Variants in PPARD observed in about 807,000 individuals in gnomAD.
The protein encoded by PPARD is peroxisome proliferator-activated receptor delta.
A neutral mutation model predicts 39.5 loss-of-function variants in PPARD; 6 were observed. The ratio of observed to expected loss-of-function variants is 0.15; its 90% confidence interval spans 0.08 to 0.30. The LOEUF (loss-of-function observed/expected upper bound fraction) is 0.30. Among genes scored for constraint, PPARD ranks in the 10% least tolerant of loss-of-function variants. The pLI is 1.00. For missense variants in PPARD, 397 were observed against 596.8 expected (o/e 0.67, Z 3.49); for synonymous variants, 210 against 231.3 (o/e 0.91, Z 0.83).
At chr6:35,356,903 G>A (rs1320528088) in intron 2 of PPARD, among the ~76,000 whole-genome samples, 1 of 152,220 alleles carries the variant, frequency 6.6e-6, no homozygotes, top group East Asian at 1.9e-4. Flanking sequence ...ATCTCACTGG[G>A]CCCTTGAGGG....
chr6:35,366,937 G>A lies in PPARD; in HGVS notation c.-102+19787G>A, dbSNP rs1207725966. ...CTGATTAATATGCATATGGTCTTGC[G>A]TATGGCCAGACTTATGACTTGCGTA... is the stretch of plus-strand genomic sequence containing the variant. On this transcript the variant is annotated intron_variant, in intron 2 of 7. Transcript: ENST00000360694. The surrounding 1 kb of genome is among the most constrained non-coding windows in gnomAD (Gnocchi z 4.6). Among the ~76,000 whole-genome samples, 8 of 152,174 alleles carry A rather than the reference G, an allele frequency of 5.3e-5. No individual in the cohort carries two copies. The highest frequency in any genetic ancestry group is 5.2e-4 in the Admixed American group (8 of 15,278).
chr6:35,413,940 A>G (rs964078604), intron 3 of PPARD, among the ~76,000 whole-genome samples: 19 of 151,908 alleles, frequency 1.3e-4, no homozygotes, highest in African/African-American at 1.7e-4. Flanking sequence ...CGGCCTCCCA[A>G]AGTGTTGGGA....
intron 2 of PPARD, among the ~76,000 whole-genome samples, chr6:35,383,210 G>A (rs1763249162): frequency 1.3e-5 from 2 of 152,208 alleles, no homozygotes; most frequent in South Asian, 2.1e-4. Context: ...GTGTGCCCAA[G>A]GGATGGTGTC....
chr6:35,391,637 G>C (rs1039694914), intron 2 of PPARD, among the ~76,000 whole-genome samples: 4 of 152,204 alleles, frequency 2.6e-5, no homozygotes, highest in Non-Finnish European at 4.4e-5. Context: ...AGCCATTTAG[G>C]AAAAGAGACG....
At chr6:35,398,805 C>A (rs1239017965) in intron 2 of PPARD, among the ~76,000 whole-genome samples, 1 of 152,088 alleles carries the variant, frequency 6.6e-6, no homozygotes, top group East Asian at 1.9e-4. Context: ...ATAAGTGTTA[C>A]CGAAAGTTTC....
At chr6:35,349,350 T>C (rs556640048) in intron 2 of PPARD, among the ~76,000 whole-genome samples, 2 of 152,284 alleles carry the variant, frequency 1.3e-5, no homozygotes, top group Non-Finnish European at 1.5e-5. Flanking sequence ...GATTGGGTAC[T>C]GCTATATCAC....
chr6:35,413,141 C>G (rs1472260781), intron 3 of PPARD, among the ~76,000 whole-genome samples: 1 of 152,180 alleles, frequency 6.6e-6, no homozygotes, highest in African/African-American at 2.4e-5. Flanking sequence ...TTCTTGGGAC[C>G]AGGGCTGTTT....
intron 2 of PPARD, among the ~76,000 whole-genome samples, chr6:35,352,322 C>T (rs1247076592): frequency 6.6e-6 from 1 of 151,890 alleles, no homozygotes; most frequent in Non-Finnish European, 1.5e-5. Flanking sequence ...TAGCTGGGAC[C>T]ACAGGCGCGC....
At chr6:35,417,858 A>G (rs1765878672) in intron 3 of PPARD, among the ~76,000 whole-genome samples, 1 of 152,134 alleles carries the variant, frequency 6.6e-6, no homozygotes, top group Non-Finnish European at 1.5e-5. Flanking sequence ...TACCTCAGCT[A>G]TTTGAGGATA....
At chr6:35,421,581 C>A (rs1766174610) in intron 4 of PPARD, among the ~76,000 whole-genome samples, 1 of 151,984 alleles carries the variant, frequency 6.6e-6, no homozygotes, top group Non-Finnish European at 1.5e-5. Context: ...CTCAGGTGAT[C>A]CGCCCACCTC....
At position 35,424,622 on chromosome 6, in the gene PPARD, C is replaced by G. The variant is rs200068853; in HGVS notation, c.921C>G (p.Asn307Lys). ...IVNKDGLLVA[N>K]GSGFVTREFL... The stretch of plus-strand genomic sequence containing the variant: ...ACAAGGACGGGCTGCTGGTAGCCAA[C>G]GGCAGTGGCTTTGTCACCCGTGAGT... The change falls in exon 7 of 8, where the codon AAC becomes AAG. Residue 307 changes from asparagine to lysine, a missense_variant. Physicochemically the swap from Asn to Lys is moderately conservative, Grantham distance 94. Coordinates refer to ENST00000360694, the MANE Select transcript of PPARD (RefSeq NM_006238.5). This position sits in a 1 kb window ranked among gnomAD's most constrained non-coding sequence, Gnocchi z 7.1. 2 of 1,614,242 alleles carry G rather than the reference C, an allele frequency of 1.2e-6. No homozygotes were observed. The highest frequency in any genetic ancestry group is 1.1e-5 in the South Asian group (1 of 91,088).
At chr6:35,345,864 C>CT (rs1275476592) in intron 1 of PPARD, among the ~76,000 whole-genome samples, 4 of 142,150 alleles carry the variant, frequency 2.8e-5, no homozygotes, top group Admixed American at 7.0e-5. Context: ...GGACCTGTCA[C>CT]TTTTTTTTCG....
intron 2 of PPARD, among the ~76,000 whole-genome samples, chr6:35,399,577 T>A (rs1027920176): frequency 2.0e-5 from 3 of 151,890 alleles, no homozygotes; most frequent in African/African-American, 7.3e-5. Context: ...TAGTTGGGTG[T>A]GGTGGCATGA....
At chr6:35,407,823 G>T (rs1581644760) in intron 2 of PPARD, among the ~76,000 whole-genome samples, 2 of 147,760 alleles carry the variant, frequency 1.4e-5, no homozygotes, top group African/African-American at 2.5e-5. Flanking sequence ...GCTGACTAAT[G>T]CCACTACAGT....
chr6:35,369,172 TC>T (rs1323631522), intron 2 of PPARD, among the ~76,000 whole-genome samples: 1 of 152,202 alleles, frequency 6.6e-6, no homozygotes, highest in Non-Finnish European at 1.5e-5. Flanking sequence ...CCTAGAACTT[TC>T]CTCTCAGAGA....
intron 2 of PPARD, among the ~76,000 whole-genome samples, chr6:35,380,893 C>T (rs939513547): frequency 6.6e-6 from 1 of 152,156 alleles, no homozygotes; most frequent in Non-Finnish European, 1.5e-5. Context: ...TGATGCCCAG[C>T]CTGCAGCACC....
At chr6:35,415,912 G>T (rs1276763960) in intron 3 of PPARD, among the ~76,000 whole-genome samples, 1 of 152,096 alleles carries the variant, frequency 6.6e-6, no homozygotes, top group Non-Finnish European at 1.5e-5. Context: ...TGATGTTGCA[G>T]CTCAAGTCCA....
chr6:35,365,068 C>A (rs932124739), intron 2 of PPARD, among the ~76,000 whole-genome samples: 1 of 151,674 alleles, frequency 6.6e-6, no homozygotes, highest in African/African-American at 2.4e-5. Flanking sequence ...CTGGTCTGCA[C>A]CTTGCTTCAC....
Position 35,385,011 on chromosome 6 carries a change from G to C in PPARD, c.-101-25976G>C, listed in dbSNP as rs1476768187. On this transcript the variant is annotated intron_variant, in intron 2 of 7. Transcript: ENST00000360694. Reference sequence around the variant, plus strand: ...CAGCCGCCCCGTCCGGGAGGGAGGTGGGAGGGGTCAGCCCCCCACCCGGCC... The same window carrying C: ...CAGCCGCCCCGTCCGGGAGGGAGGTCGGAGGGGTCAGCCCCCCACCCGGCC... Among the ~76,000 whole-genome samples, 2 of 141,672 alleles carry C rather than the reference G, an allele frequency of 1.4e-5. 1 individual carries two copies. The highest frequency in any genetic ancestry group is 3.0e-5 in the Non-Finnish European group (2 of 66,240). 92.9% of individuals were successfully genotyped at this position (141,672 alleles called of 152,430 possible). A position where few individuals can be genotyped will look rare whatever the true frequency, so the allele number is the denominator to read the frequency against.
Sources: gnomAD v4.1 joint callset for allele counts (sites outside exome capture counted in the v4.1 genomes callset) on GRCh38, gnomAD v4.1.1 for gene constraint, Gnocchi (gnomAD v3.1) non-coding constraint, MANE v1.5 for transcripts, NCBI Gene and HGNC (gene_info 2026-07-23, HGNC 2026-07-21) for gene names.